The following ECE1 variants were observed in gnomAD, a reference collection of about 807,000 sequenced individuals.
ECE1 encodes the protein endothelin converting enzyme 1, also known as endothelin-converting enzyme 1.
Under a neutral mutation model 98.6 loss-of-function variants are expected in ECE1, and 35 were observed. That is an observed-to-expected ratio of 0.35 (90% CI 0.27 to 0.47). The LOEUF is 0.47. Ranked by LOEUF, ECE1 falls within the 20% of genes least tolerant of loss-of-function variation. The probability of loss-of-function intolerance (pLI) is 1.00; values close to 1 mark genes in which losing one functional copy is unlikely to be tolerated. For missense variants in ECE1, 814 were observed against 1,025.3 expected (o/e 0.79, Z 2.81); for synonymous variants, 394 against 407.1 (o/e 0.97, Z 0.39).
intron 18 of ECE1, among the ~76,000 whole-genome samples, chr1:21,221,323 C>T (rs1461230737): frequency 6.6e-6 from 1 of 152,154 alleles, no homozygotes. Flanking sequence ...GCAGCCACCA[C>T]CATGCCTGAC....
chr1:21,305,440 C>T (rs1379192329), intron 1 of ECE1, among the ~76,000 whole-genome samples: 1 of 152,200 alleles, frequency 6.6e-6, no homozygotes, highest in African/African-American at 2.4e-5. Context: ...GTAAATGTTC[C>T]AGCAAACCTC....
At chr1:21,341,711 T>G (rs1639402956) in intron 1 of ECE1, among the ~76,000 whole-genome samples, 1 of 152,178 alleles carries the variant, frequency 6.6e-6, no homozygotes, top group Non-Finnish European at 1.5e-5. Flanking sequence ...GTACGCACTG[T>G]GCTCTGGGAG....
At chr1:21,228,872 ACT>A (rs1166986763) in intron 14 of ECE1, among the ~76,000 whole-genome samples, 1 of 132,080 alleles carries the variant, frequency 7.6e-6, no homozygotes, top group Non-Finnish European at 1.6e-5. Flanking sequence ...GACGGAGCTC[ACT>A]CTGTCACCCA....
intron 1 of ECE1, among the ~76,000 whole-genome samples, chr1:21,339,947 C>G (rs1432296316): frequency 1.3e-5 from 2 of 152,210 alleles, no homozygotes; most frequent in African/African-American, 4.8e-5. Context: ...CAGTGGGGTT[C>G]CGCCAGCACT....
chr1:21,297,955 C>T (rs1305149705), intron 1 of ECE1: 1 of 152,314 alleles, frequency 6.6e-6, no homozygotes, highest in Non-Finnish European at 1.5e-5. Context: ...GCTCTTGCCT[C>T]AGCTTCCTGA....
intron 1 of ECE1, among the ~76,000 whole-genome samples, chr1:21,341,173 C>T (rs1639391518): frequency 6.6e-6 from 1 of 152,176 alleles, no homozygotes; most frequent in Admixed American, 6.5e-5. Flanking sequence ...GTCTCCCTGA[C>T]AACAGTAATT....
intron 10 of ECE1, among the ~76,000 whole-genome samples, chr1:21,244,065 C>G (rs1009822817): frequency 6.6e-6 from 1 of 152,196 alleles, no homozygotes. Context: ...CTGGGAAGGG[C>G]TGCAGGAGTG....
At position 21,217,296 on chromosome 1, in the gene ECE1, C is replaced by T. The variant is rs1405168270; in HGVS notation, c.*2659G>A. ...CCATTACAATAGTGCCACGCCAAAA[C>T]TACAGTAGCTCAAAACATAATACAA... is the stretch of plus-strand genomic sequence containing the variant. On this transcript the variant is annotated 3_prime_UTR_variant, in exon 19 of 19. Transcript: ENST00000374893. The T allele has an allele frequency of 1.3e-5, 2 of 152,306 alleles. No individual in the cohort carries two copies. Among genetic ancestry groups the T allele is most frequent in the Non-Finnish European group, 2.9e-5 (2 of 68,084 alleles). 9.4% of individuals were successfully genotyped at this position (152,306 alleles called of 1,614,324 possible).
intron 8 of ECE1, among the ~76,000 whole-genome samples, chr1:21,255,625 G>A (rs960713318): frequency 1.3e-5 from 2 of 152,186 alleles, no homozygotes; most frequent in Admixed American, 1.3e-4. Context: ...TGGTGCTGGA[G>A]AGACTGGAAA....
chr1:21,237,602 G>C (rs978462217), intron 11 of ECE1, among the ~76,000 whole-genome samples: 1 of 152,192 alleles, frequency 6.6e-6, no homozygotes, highest in African/African-American at 2.4e-5. Flanking sequence ...CCGGTGCCCA[G>C]TGTGTGGCAT....
chr1:21,247,649 G>A (rs1272361498), intron 8 of ECE1, among the ~76,000 whole-genome samples: 1 of 152,202 alleles, frequency 6.6e-6, no homozygotes, highest in Non-Finnish European at 1.5e-5. Context: ...TGTGTGCCAG[G>A]AGCCGTGGCA....
intron 2 of ECE1, among the ~76,000 whole-genome samples, chr1:21,289,196 C>T (rs1035584983): frequency 2.0e-5 from 3 of 152,128 alleles, no homozygotes; most frequent in Non-Finnish European, 4.4e-5. Context: ...AGAAGTCCTC[C>T]GAGAATTGGG....
Position 21,319,111 on chromosome 1 carries a change from A to C in ECE1, c.3+26265T>G, listed in dbSNP as rs1003882644. Among the ~76,000 whole-genome samples, 1 of 152,182 alleles carries C rather than the reference A, an allele frequency of 6.6e-6. No individual in the cohort carries two copies. Among genetic ancestry groups the C allele is most frequent in the Non-Finnish European group, 1.5e-5 (1 of 68,028 alleles). ...CGTAATCCAAGCACTTTGGGAAGCC[A>C]AGGTGGGTGGATTGCCTGAGCTTAG... On this transcript the variant is annotated intron_variant, in intron 1 of 18. Coordinates refer to the ECE1 transcript ENST00000415912. The surrounding 1 kb of genome is among the most constrained non-coding windows in gnomAD (Gnocchi z 4.4).
At chr1:21,312,687 T>A (rs1279656784) in intron 1 of ECE1, among the ~76,000 whole-genome samples, 2 of 152,098 alleles carry the variant, frequency 1.3e-5, no homozygotes, top group Non-Finnish European at 2.9e-5. Flanking sequence ...TGCTGTCCTG[T>A]CACTGAGAGG....
intron 7 of ECE1, among the ~76,000 whole-genome samples, chr1:21,257,058 C>T (rs142342528): frequency 1.4e-4 from 21 of 152,192 alleles, no homozygotes; most frequent in African/African-American, 3.9e-4. Flanking sequence ...CTTCGGAGCA[C>T]GTGGATCCGG....
chr1:21,232,741 G>A (rs1250011409), intron 14 of ECE1, among the ~76,000 whole-genome samples: 1 of 150,068 alleles, frequency 6.7e-6, no homozygotes, highest in East Asian at 2.0e-4. Flanking sequence ...GCACGATCTC[G>A]GCTCACTGCA....
intron 15 of ECE1, 22 bp from the exon 16 acceptor site, chr1:21,227,248 T>C (rs1353019388): frequency 1.2e-6 from 2 of 1,611,202 alleles, no homozygotes; most frequent in Non-Finnish European, 1.7e-6. Flanking sequence ...GACACAAAGG[T>C]AGAGATGATG....
chr1:21,238,019 G>T, intron 11 of ECE1, 115 bp downstream of exon 11: 1 of 907,906 alleles, frequency 1.1e-6, no homozygotes, highest in Non-Finnish European at 1.8e-6. Flanking sequence ...TGGCCCTAAG[G>T]TCCCCTGCCC....
At position 21,340,011 on chromosome 1, in the gene ECE1, AC is replaced by A. The variant is rs1639372221; in HGVS notation, c.3+5364del. ...CTATTAACTCTTCAAGGACAAGTGAACCCCCCTCCTAATTTTTTATGTGTCC... is the reference window on the plus strand; with the variant it reads ...CTATTAACTCTTCAAGGACAAGTGAACCCCCTCCTAATTTTTTATGTGTCC... On this transcript the variant is annotated intron_variant, in intron 1 of 18. Transcript: ENST00000415912. This position sits in a 1 kb window ranked among gnomAD's most constrained non-coding sequence, Gnocchi z 4.6. Among the ~76,000 whole-genome samples the A allele has an allele frequency of 6.6e-6, 1 of 151,988 alleles. No individual in the cohort carries two copies. Among genetic ancestry groups the A allele is most frequent in the African/African-American group, 2.4e-5 (1 of 41,340 alleles).
Sources: allele counts gnomAD v4.1 joint callset (sites outside exome capture counted in the v4.1 genomes callset), GRCh38; gene constraint gnomAD v4.1.1; non-coding constraint Gnocchi (gnomAD v3.1); transcripts MANE v1.5; gene names NCBI Gene and HGNC (gene_info 2026-07-23, HGNC 2026-07-21).